Variants in APRT observed in about 807,000 individuals in gnomAD.
APRT encodes the protein AMP diphosphorylase.
APRT carries 25 observed loss-of-function variants against 21.0 expected under a neutral mutation model. The ratio of observed to expected loss-of-function variants is 1.19; its 90% CI spans 0.87 to 1.66. The LOEUF (loss-of-function observed/expected upper bound fraction) is 1.66, where lower values mean the gene tolerates loss of function less well. Among genes scored for constraint, APRT ranks in the 40% most tolerant of loss-of-function variants. APRT has a pLI of 0.00. For missense variants in APRT, 294 were observed against 232.7 expected, an observed-to-expected ratio of 1.26 and a Z score of -1.72; for synonymous variants, 153 against 109.0, an observed-to-expected ratio of 1.40 and a Z score of -2.52.
rs1259501406 is a variant in APRT at position 88,811,852 on chromosome 16, G to A, written c.48C>T (p.Phe16=). 1.3e-6 allele frequency: 2 copies of A among 1,572,962 alleles called. No homozygotes were observed. The highest frequency in any genetic ancestry group is 2.3e-5 in the East Asian group (1 of 42,626). Residue 16 remains phenylalanine, a synonymous_variant, in exon 1 of 5, where the codon TTC becomes TTT. Transcript: ENST00000378364. ...LQLVEQRIRS[F]PDFPTPGVVF... ...CCACGCCTGGGGTGGGGAAGTCGGG[G>A]AAGCTGCGGATCCGCTGCTCAACCA...
chr16:88,810,628 G>A (rs923248597), intron 2 of APRT, 72 bp from the exon 3 acceptor site: 2 of 1,565,660 alleles, frequency 1.3e-6, no homozygotes, highest in African/African-American at 1.3e-5. Flanking sequence ...CCGGTGGCAA[G>A]GGGTACCTGG....
At chr16:88,811,382 G>A in intron 2 of APRT, 168 bp downstream of exon 2, 1 of 711,116 alleles carries the variant, frequency 1.4e-6, no homozygotes, top group East Asian at 2.9e-5. Context: ...CGGCGGCCTC[G>A]GGGGCTCAAT....
At position 88,809,779 on chromosome 16, in the gene APRT, C is replaced by T; in HGVS notation, c.462G>A (p.Val154=). The T allele has an allele frequency of 6.2e-7, 1 of 1,613,296 alleles. No homozygotes were observed. The highest frequency in any genetic ancestry group is 2.2e-5 in the East Asian group (1 of 44,892). The change falls in exon 5 of 5, where the codon GTG becomes GTA. Residue 154 remains valine (V), a synonymous_variant. Transcript: ENST00000378364. ...TAAGCGAGGTCAGCTCCACCAGGCT[C>T]ACGCACTCCAGGACCTCAGCCTGCA... ...GRLQAEVLEC[V]SLVELTSLKG... is the part of the protein sequence containing the mutation.
chr16:88,809,615 CG>C lies in APRT; in HGVS notation c.*82del. The C allele has an allele frequency of 6.3e-7, 1 of 1,591,870 alleles. No homozygotes were observed. Among genetic ancestry groups the C allele is most frequent in the Non-Finnish European group, 8.6e-7 (1 of 1,162,718 alleles). ...AAGGAATGTGTTCCCTGTGGGCAGC[CG>C]GTGCCCCTGGTCACTGCAGTTGCCC... On this transcript the variant is annotated 3_prime_UTR_variant, in exon 5 of 5. Coordinates refer to ENST00000378364, the MANE Select transcript of APRT (RefSeq NM_000485.3).
At position 88,811,892 on chromosome 16, in the gene APRT, T is replaced by G; in HGVS notation, c.8A>C (p.Asp3Ala). 6.4e-7 allele frequency: 1 copy of G among 1,554,124 alleles called. No individual in the cohort carries two copies. The highest frequency in any genetic ancestry group is 1.2e-5 in the South Asian group (1 of 84,432). Reference sequence around the variant, plus strand: ...CTGCTCAACCAGCTGCAGCTCGGAGTCGGCCATGGCCGCGTGCGAAGAGCC... The same window carrying G: ...CTGCTCAACCAGCTGCAGCTCGGAGGCGGCCATGGCCGCGTGCGAAGAGCC... MADSELQLVEQRI... is the reference protein window; with the variant it reads MAASELQLVEQRI... Residue 3 changes from aspartate (D) to alanine (A), a missense_variant, in exon 1 of 5, where the codon GAC (aspartate) becomes GCC (alanine). Physicochemically the swap from Asp to Ala is moderately radical, Grantham distance 126. Transcript: ENST00000378364.
In APRT at chr16:88,809,802, G is replaced by A. The variant is rs745872435; in HGVS notation, c.439C>T (p.Gln147Ter). Residue 147 changes from glutamine (Q) to a stop codon, truncating the protein, a stop_gained, in exon 5 of 5, where the codon CAG (glutamine) becomes TAG (stop). Transcript: ENST00000378364. LOFTEE classifies it high-confidence loss of function. ...NAACELLGRLQAEVLECVSLV... is the reference protein window; with the variant it reads ...NAACELLGRL ...CTCACGCACTCCAGGACCTCAGCCT[G>A]CAGGCGGCCCAGCAGCTCACAGGCA... 5 of 1,613,020 alleles carry A rather than the reference G, an allele frequency of 3.1e-6. No homozygotes were observed. Among genetic ancestry groups the A allele is most frequent in the South Asian group, 1.1e-5 (1 of 91,082 alleles).
intron 1 of APRT, 79 bp from the exon 2 acceptor site, chr16:88,811,735 C>T: frequency 2.0e-6 from 3 of 1,500,912 alleles, no homozygotes; most frequent in Non-Finnish European, 2.7e-6. Context: ...GGGTTCCCGC[C>T]CCGCCCGCCC....
chr16:88,811,511 G>T, intron 2 of APRT, 39 bp downstream of exon 2: 1 of 1,539,410 alleles, frequency 6.5e-7, no homozygotes, highest in Non-Finnish European at 8.8e-7. Context: ...GGCGCGCGCA[G>T]AGGCGGAAGC....
In APRT at chr16:88,811,872, C is replaced by T; in HGVS notation, c.28G>A (p.Glu10Lys). Residue 10 changes from glutamate (E) to lysine (K), a missense_variant, in exon 1 of 5, where the codon GAG becomes AAG. Coordinates refer to ENST00000378364, the MANE Select transcript of APRT (RefSeq NM_000485.3). MADSELQLV[E>K]QRIRSFPDFP... is the part of the protein sequence containing the mutation. ...TCGGGGAAGCTGCGGATCCGCTGCT[C>T]AACCAGCTGCAGCTCGGAGTCGGCC... is the stretch of plus-strand genomic sequence containing the variant. The T allele has an allele frequency of 6.4e-7, 1 of 1,565,818 alleles. No individual in the cohort carries two copies. The highest frequency in any genetic ancestry group is 2.4e-5 in the East Asian group (1 of 42,168).
intron 2 of APRT, chr16:88,811,282 C>T (rs747668137): frequency 1.9e-5 from 10 of 539,314 alleles, no homozygotes; most frequent in Non-Finnish European, 3.3e-5. Flanking sequence ...TCAGCTTGGG[C>T]ACTCCAGGGA....
rs2911456 is a variant in APRT at position 88,811,918 on chromosome 16, A to C, written c.-19T>G. The C allele has an allele frequency of 5.2e-6, 8 of 1,538,876 alleles. No homozygotes were observed. Among genetic ancestry groups the C allele is most frequent in the Non-Finnish European group, 7.0e-6 (8 of 1,145,444 alleles). ...CGGCCATGGCCGCGTGCGAAGAGCC[A>C]GCGGCAGCCCGAGCGCGCCTGCGCG... is the stretch of plus-strand genomic sequence containing the variant. On this transcript the variant is annotated 5_prime_UTR_variant, in exon 1 of 5. Transcript: ENST00000378364.
intron 2 of APRT, chr16:88,811,302 A>G: frequency 1.8e-6 from 1 of 563,634 alleles, no homozygotes; most frequent in Non-Finnish European, 3.1e-6. Context: ...AGACCAACTG[A>G]CCCGGCAACT....
chr16:88,811,848 C>G lies in APRT; in HGVS notation c.52G>C (p.Asp18His), dbSNP rs980395259. The G allele has an allele frequency of 1.3e-6, 2 of 1,572,822 alleles. No individual in the cohort carries two copies. Among genetic ancestry groups the G allele is most frequent in the Non-Finnish European group, 1.7e-6 (2 of 1,161,186 alleles). ...LVEQRIRSFP[D>H]FPTPGVVFRD... ...AATACCACGCCTGGGGTGGGGAAGTCGGGGAAGCTGCGGATCCGCTGCTCA... is the reference window on the plus strand; with the variant it reads ...AATACCACGCCTGGGGTGGGGAAGTGGGGGAAGCTGCGGATCCGCTGCTCA... Residue 18 changes from aspartate to histidine, a missense_variant, in exon 1 of 5, where the codon GAC becomes CAC. By Grantham distance (81) the Asp-to-His change is moderately conservative. Coordinates refer to ENST00000378364, the MANE Select transcript of APRT (RefSeq NM_000485.3).
intron 3 of APRT, 58 bp from the exon 4 acceptor site, chr16:88,810,206 C>T (rs1909065072): frequency 3.8e-6 from 6 of 1,576,030 alleles, no homozygotes; most frequent in Non-Finnish European, 5.2e-6. Flanking sequence ...CTTTGTTGCA[C>T]AGCTTGGCAG....
intron 4 of APRT, 47 bp from the exon 5 acceptor site, chr16:88,809,887 G>A: frequency 3.7e-6 from 6 of 1,602,488 alleles, no homozygotes; most frequent in Non-Finnish European, 5.1e-6. Flanking sequence ...GCTGCAGAGA[G>A]CAGGTGCTCC....
In APRT at chr16:88,809,640, C is replaced by A. The variant is rs921715895; in HGVS notation, c.*58G>T. ...CGGTGCCCCTGGTCACTGCAGTTGC[C>A]CAAGGCTGATATTTCCCTGGGATCC... On this transcript the variant is annotated 3_prime_UTR_variant, in exon 5 of 5. Transcript: ENST00000378364. 6.2e-7 allele frequency: 1 copy of A among 1,611,296 alleles called. No individual in the cohort carries two copies. The highest frequency in any genetic ancestry group is 8.5e-7 in the Non-Finnish European group (1 of 1,179,012).
intron 4 of APRT, 37 bp from the exon 5 acceptor site, chr16:88,809,877 G>A (rs1203044116): frequency 6.2e-7 from 1 of 1,604,704 alleles, no homozygotes; most frequent in Non-Finnish European, 8.5e-7. Context: ...GTTGGCCTGG[G>A]CTGCAGAGAG....
chr16:88,811,408 G>T, intron 2 of APRT, 142 bp downstream of exon 2: 1 of 900,180 alleles, frequency 1.1e-6, no homozygotes, highest in Non-Finnish European at 1.7e-6. Flanking sequence ...AACCCTTCCC[G>T]GGCGACCCAA....
rs1479347409 is a variant in APRT, at chr16:88,810,501, C to T, written c.243G>A (p.Leu81=). Residue 81 remains leucine (L), a synonymous_variant, in exon 3 of 5, where the codon CTG becomes CTA. Coordinates refer to ENST00000378364, the MANE Select transcript of APRT (RefSeq NM_000485.3). ...CCCGCTTTCGGATGAGCACGCAGCCCAGTCCAAGCTCCTGGGCCAGGGAGG... is the reference window on the plus strand; with the variant it reads ...CCCGCTTTCGGATGAGCACGCAGCCTAGTCCAAGCTCCTGGGCCAGGGAGG... ...FGPSLAQELG[L]GCVLIRKRGK... is the part of the protein sequence containing the mutation. The T allele has an allele frequency of 6.2e-7, 1 of 1,612,306 alleles. No individual in the cohort carries two copies. The highest frequency in any genetic ancestry group is 8.5e-7 in the Non-Finnish European group (1 of 1,179,944).
Sources: gnomAD v4.1 joint callset for allele counts on GRCh38, gnomAD v4.1.1 for gene constraint, MANE v1.5 for transcripts, NCBI Gene and HGNC (gene_info 2026-07-23, HGNC 2026-07-21) for gene names.